The following DGKK variants were observed in gnomAD, a reference collection of about 807,000 sequenced individuals.
The protein encoded by DGKK is 142 kDa diacylglycerol kinase.
Under a neutral mutation model 92.2 loss-of-function variants are expected in DGKK, and 35 were observed. That is an observed-to-expected ratio of 0.38 (90% CI 0.29 to 0.50). DGKK has a LOEUF of 0.50. Among genes scored for constraint, DGKK ranks in the 20% least tolerant of loss-of-function variants. The probability of loss-of-function intolerance (pLI) is 0.92; values close to 1 mark genes in which losing one functional copy is unlikely to be tolerated. For synonymous variants in DGKK, 368 were observed against 360.6 expected (o/e 1.02, Z -0.23); for missense variants, 910 against 992.2 (o/e 0.92, Z 1.11).
chrX:50,438,723 C>A (rs1926095442), intron 1 of DGKK, among the ~76,000 whole-genome samples: 1 of 111,903 alleles, frequency 8.9e-6, no homozygotes, highest in South Asian at 3.8e-4. Flanking sequence ...CAGTAACCTG[C>A]TGTGTGAGCA....
chrX:50,384,529 G>A (rs946840312), intron 16 of DGKK, among the ~76,000 whole-genome samples, 191 bp downstream of exon 16: 6 of 111,359 alleles, frequency 5.4e-5, no homozygotes, highest in Non-Finnish European at 1.1e-4. Flanking sequence ...CCTCTTCAAT[G>A]TTCCTAATGG....
chrX:50,380,174 C>T, intron 18 of DGKK, 97 bp from the exon 19 acceptor site: 1 of 713,780 alleles, frequency 1.4e-6, no homozygotes, highest in Non-Finnish European at 2.2e-6. Context: ...TTCTCAAATG[C>T]CTTCTTACAG....
At chrX:50,402,397 G>A (rs1374655387) in intron 7 of DGKK, among the ~76,000 whole-genome samples, 11 of 111,639 alleles carry the variant, frequency 9.9e-5, no homozygotes, top group African/African-American at 2.3e-4. Flanking sequence ...CAGCCTGGGC[G>A]GCATAGTGAG....
Position 50,470,727 on chromosome X carries a change from A to G in DGKK, c.-49T>C, listed in dbSNP as rs781957646. The G allele has an allele frequency of 5.6e-5, 60 of 1,077,685 alleles. 1 individual carries two copies. In the South Asian group the frequency reaches 5.9e-4, roughly 11 times the overall value. The allele number at this position is 1,077,685 out of a possible 1,213,427, so 88.8% of individuals were successfully genotyped here. ...GGCAGCCTGAGTCCCTAAGCCTGGA[A>G]GGCTAAAGTACCCTCGGGCGCCCCG... On this transcript the variant is annotated 5_prime_UTR_variant, in exon 1 of 28. Transcript: ENST00000611977.
At chrX:50,414,132 C>G (rs181368556) in intron 4 of DGKK, among the ~76,000 whole-genome samples, 1 of 111,351 alleles carries the variant, frequency 9.0e-6, no homozygotes, top group African/African-American at 3.3e-5. Context: ...TGCATGATCT[C>G]ATTTATATAT....
intron 8 of DGKK, among the ~76,000 whole-genome samples, chrX:50,399,548 A>G (rs1013402855): frequency 1.3e-4 from 15 of 112,022 alleles, no homozygotes; most frequent in African/African-American, 4.5e-4. Context: ...CAAATTAGCA[A>G]ATTAGAGAAA....
intron 12 of DGKK, 113 bp from the exon 13 acceptor site, chrX:50,388,731 A>G (rs983330280): frequency 2.3e-5 from 11 of 468,719 alleles, no homozygotes; most frequent in Non-Finnish European, 3.2e-5. Context: ...CCGCAACTCA[A>G]CTGCCTCTCT....
In DGKK at chrX:50,403,062, G is replaced by A. The variant is rs782180882; in HGVS notation, c.1307C>T (p.Thr436Met). Residue 436 changes from threonine (T) to methionine (M), a missense_variant and splice_region_variant, in exon 7 of 28, where the codon ACG (threonine) becomes ATG (methionine). Transcript: ENST00000611977. The part of the protein sequence containing the change: ...QDFRCLWCNS[T>M]VHDDCRRRFS... ...ATATCAAGATGAGAAGAGTCTTACC[G>A]TAGAATTACACCACAGGCAGCGGAA... The A allele has an allele frequency of 1.1e-5, 13 of 1,210,507 alleles. No individual in the cohort carries two copies. Among genetic ancestry groups the A allele is most frequent in the Admixed American group, 6.5e-5 (3 of 45,987 alleles).
At chrX:50,386,299 C>T (rs1924541450) in intron 15 of DGKK, 59 bp downstream of exon 15, 1 of 963,086 alleles carries the variant, frequency 1.0e-6, no homozygotes, top group Admixed American at 2.3e-5. Context: ...GGCCAGTAAA[C>T]CATCCTCTGG....
rs782351289 is a variant in DGKK, at chrX:50,386,450, A to C, written c.2255T>G (p.Ile752Arg). 1.7e-6 allele frequency: 2 copies of C among 1,211,021 alleles called. No homozygotes were observed. Among genetic ancestry groups the C allele is most frequent in the Admixed American group, 4.4e-5 (2 of 45,956 alleles). The change falls in exon 15 of 28, where the codon ATA (isoleucine) becomes AGA (arginine). Residue 752 changes from isoleucine (I) to arginine (R), a missense_variant. Coordinates refer to ENST00000611977, the MANE Select transcript of DGKK (RefSeq NM_001013742.4). ...KADRKPFIPQ[I>R]DHIAKCKLEL... The stretch of plus-strand genomic sequence containing the variant: ...CAACTTGCACTTGGCTATGTGGTCT[A>C]TTTGAGGAATGAAGGGCTTCCTATC...
intron 27 of DGKK, 88 bp from the exon 28 acceptor site, chrX:50,369,107 T>C: frequency 1.4e-6 from 1 of 696,597 alleles, no homozygotes; most frequent in Non-Finnish European, 2.2e-6. Context: ...GAGCAAAAAG[T>C]CTGTTAGAAG....
intron 11 of DGKK, among the ~76,000 whole-genome samples, chrX:50,391,085 G>GT (rs1307637287): frequency 1.2e-4 from 13 of 111,326 alleles, no homozygotes; most frequent in African/African-American, 4.2e-4. Context: ...GAATCGTCTA[G>GT]TTTTTTTGGT....
chrX:50,408,180 A>T (rs935710540), intron 4 of DGKK, among the ~76,000 whole-genome samples: 1 of 111,574 alleles, frequency 9.0e-6, no homozygotes, highest in Non-Finnish European at 1.9e-5. Flanking sequence ...CCTGGGTTCC[A>T]GAAGGTGGGG....
intron 18 of DGKK, among the ~76,000 whole-genome samples, chrX:50,381,346 T>C (rs1924409497): frequency 9.0e-6 from 1 of 111,190 alleles, no homozygotes; most frequent in African/African-American, 3.3e-5. Context: ...CATGCACCAG[T>C]AGTCCCAGCT....
intron 18 of DGKK, 42 bp from the exon 19 acceptor site, chrX:50,380,119 A>G (rs377742226): frequency 7.8e-6 from 8 of 1,024,569 alleles, no homozygotes; most frequent in East Asian, 3.1e-5. Context: ...GGTGAATGAT[A>G]TATAGATAAA....
chrX:50,469,612 C>T (rs1351108877), intron 1 of DGKK, among the ~76,000 whole-genome samples: 1 of 112,773 alleles, frequency 8.9e-6, no homozygotes, highest in Non-Finnish European at 1.9e-5. Flanking sequence ...GCGGCAGTGA[C>T]CGCGGCTAAG....
chrX:50,428,298 C>T (rs1463962873), intron 1 of DGKK, among the ~76,000 whole-genome samples: 1 of 110,592 alleles, frequency 9.0e-6, no homozygotes, highest in Non-Finnish European at 1.9e-5. Flanking sequence ...TCCTTTGGCA[C>T]CAGAACAGGG....
rs17336829 is a variant in DGKK, at chrX:50,453,680, G to A, written c.645+16354C>T. ...TAGATGTTCCTTCATGTAGCAACTG[G>A]CCCTGTATAAAATGCATGGGGGAAT... is the stretch of plus-strand genomic sequence containing the variant. On this transcript the variant is annotated intron_variant, in intron 1 of 27. Coordinates refer to ENST00000611977, the MANE Select transcript of DGKK (RefSeq NM_001013742.4). Among the ~76,000 whole-genome samples the A allele has an allele frequency of 5.1e-3, 572 of 111,374 alleles. 3 individuals carry two copies. The highest frequency in any genetic ancestry group is 0.026 in the East Asian group (91 of 3,481).
rs782627480 is a variant in DGKK, at chrX:50,430,240, C to A, written c.646-5882G>T. On this transcript the variant is annotated intron_variant, in intron 1 of 27. Transcript: ENST00000611977. ...TCATAAGAAGGGACACACATGTAGT[C>A]CTCCTGGTCCAAGCTGCCACATTTC... 2.4e-4 allele frequency among the ~76,000 whole-genome samples: 27 copies of A among 112,036 alleles called. 1 individual carries two copies. The highest frequency in any genetic ancestry group is 4.7e-4 in the Non-Finnish European group (25 of 53,238).
Sources: gnomAD v4.1 joint callset for allele counts (sites outside exome capture counted in the v4.1 genomes callset) on GRCh38, gnomAD v4.1.1 for gene constraint, MANE v1.5 for transcripts, NCBI Gene and HGNC (gene_info 2026-07-23, HGNC 2026-07-21) for gene names.